The following LY96 variants were observed in gnomAD, a reference collection of about 807,000 sequenced individuals.
The protein encoded by LY96 is lymphocyte antigen 96, also known as myeloid differentiation protein-2.
In LY96, 18 loss-of-function variants were observed where a neutral mutation model predicts 18.9. That is an observed-to-expected ratio of 0.95 (90% CI 0.66 to 1.41). The LOEUF (loss-of-function observed/expected upper bound fraction) is 1.41, where lower values mean the gene tolerates loss of function less well. LY96 is among the 40% of genes most tolerant of loss of function. The pLI is 0.00. For synonymous variants in LY96, 66 were observed against 62.6 expected (o/e 1.06, Z -0.26); for missense variants, 175 against 182.4 (o/e 0.96, Z 0.23).
intron 4 of LY96, among the ~76,000 whole-genome samples, chr8:74,027,285 T>C (rs980638305): frequency 9.2e-5 from 14 of 151,816 alleles, no homozygotes; most frequent in Non-Finnish European, 2.1e-4. Flanking sequence ...TTCAGGGTTT[T>C]TTCTTTCACT....
At chr8:74,065,752 T>A in the LY96 span, among the ~76,000 whole-genome samples, 17 of 152,228 alleles carry the variant, frequency 1.1e-4, no homozygotes, top group Non-Finnish European at 2.5e-4. Context: ...CAGTTAGCAT[T>A]GAATTACAGT....
At chr8:74,042,560 T>A in the LY96 span, among the ~76,000 whole-genome samples, 1 of 152,078 alleles carries the variant, frequency 6.6e-6, no homozygotes, top group African/African-American at 2.4e-5. Context: ...AAATTCTGCT[T>A]TTTTACACAA....
chr8:74,057,552 C>T, the LY96 span, among the ~76,000 whole-genome samples: 1 of 152,188 alleles, frequency 6.6e-6, no homozygotes, highest in Non-Finnish European at 1.5e-5. Context: ...GCTCTTCAAA[C>T]ACAGCCATGT....
chr8:74,059,433 C>A, the LY96 span, among the ~76,000 whole-genome samples: 2 of 152,206 alleles, frequency 1.3e-5, no homozygotes, highest in African/African-American at 4.8e-5. Context: ...GGGGATTTCT[C>A]TATCAGATAT....
chr8:74,094,709 C>T, the LY96 span, among the ~76,000 whole-genome samples: 1 of 152,122 alleles, frequency 6.6e-6, no homozygotes, highest in African/African-American at 2.4e-5. Context: ...GTCTTAGGTG[C>T]TTTCCTAGAA....
the LY96 span, among the ~76,000 whole-genome samples, chr8:74,096,053 C>T: frequency 6.6e-6 from 1 of 152,248 alleles, no homozygotes. Flanking sequence ...GCATCCCTGA[C>T]TCCTCTCTTT....
the LY96 span, among the ~76,000 whole-genome samples, chr8:74,087,829 A>G: frequency 6.6e-6 from 1 of 152,166 alleles, no homozygotes; most frequent in Non-Finnish European, 1.5e-5. Flanking sequence ...ACATTGCTTA[A>G]TATTCAAATT....
chr8:74,067,425 A>G, the LY96 span, among the ~76,000 whole-genome samples: 1 of 152,096 alleles, frequency 6.6e-6, no homozygotes, highest in Non-Finnish European at 1.5e-5. Context: ...GGGTCTCGCT[A>G]CGTTGCCCAC....
the LY96 span, among the ~76,000 whole-genome samples, chr8:74,080,420 T>C: frequency 1.3e-5 from 2 of 152,190 alleles, no homozygotes; most frequent in Non-Finnish European, 2.9e-5. Flanking sequence ...TTTTGCTTTA[T>C]GGCTGAGTGT....
the LY96 span, among the ~76,000 whole-genome samples, chr8:74,042,390 A>C: frequency 3.9e-5 from 6 of 152,086 alleles, no homozygotes; most frequent in Admixed American, 6.6e-5. Flanking sequence ...ACATGGTGGC[A>C]GGTGCCTGTA....
the LY96 span, among the ~76,000 whole-genome samples, chr8:74,068,089 A>ATATATATATATAT: frequency 2.5e-4 from 17 of 67,852 alleles, no homozygotes; most frequent in Non-Finnish European, 4.1e-4. Context: ...AAAAAAAAAA[A>ATATATATATATAT]ATATATATAT....
At chr8:74,024,652 C>G (rs370862732) in intron 3 of LY96, among the ~76,000 whole-genome samples, 55 of 152,208 alleles carry the variant, frequency 3.6e-4, no homozygotes, top group African/African-American at 1.3e-3. Flanking sequence ...AAGTTACACA[C>G]CAAGTAGAGG....
chr8:74,034,199 C>T, the LY96 span, among the ~76,000 whole-genome samples: 1 of 152,128 alleles, frequency 6.6e-6, no homozygotes, highest in Non-Finnish European at 1.5e-5. Flanking sequence ...GGAGAAACCT[C>T]ATCTCTACTA....
At chr8:74,074,085 C>T in the LY96 span, among the ~76,000 whole-genome samples, 1 of 152,168 alleles carries the variant, frequency 6.6e-6, no homozygotes, top group African/African-American at 2.4e-5. Flanking sequence ...GCAACCTCTG[C>T]TTCCCAGGTT....
At position 74,019,769 on chromosome 8, in the gene LY96, C is replaced by G. The variant is rs143304256; in HGVS notation, c.332-7020C>G. ...TGGGATGCAAGGCTGGTTCAGCATACACAAATCAATATACGTAATTCATCA... is the reference window on the plus strand; with the variant it reads ...TGGGATGCAAGGCTGGTTCAGCATAGACAAATCAATATACGTAATTCATCA... On this transcript the variant is annotated intron_variant, in intron 3 of 4. Transcript: ENST00000284818. Among the ~76,000 whole-genome samples the G allele has an allele frequency of 5.0e-3, 766 of 152,256 alleles. 7 individuals carry two copies. The highest frequency in any genetic ancestry group is 0.017 in the African/African-American group (721 of 41,562).
intron 2 of LY96, among the ~76,000 whole-genome samples, chr8:74,005,887 T>C (rs1816398560): frequency 6.6e-6 from 1 of 152,232 alleles, no homozygotes; most frequent in Non-Finnish European, 1.5e-5. Flanking sequence ...CATCCTAGTT[T>C]AGATTTGGAG....
chr8:74,020,866 T>A (rs1275245965), intron 3 of LY96, among the ~76,000 whole-genome samples: 2 of 152,202 alleles, frequency 1.3e-5, no homozygotes, highest in African/African-American at 2.4e-5. Flanking sequence ...TGGCTAGCCA[T>A]ATGTAGAAAG....
At chr8:74,028,537 T>C (rs552169195) in intron 4 of LY96, among the ~76,000 whole-genome samples, 1 of 152,334 alleles carries the variant, frequency 6.6e-6, no homozygotes, top group East Asian at 1.9e-4. Context: ...TTTGGGAACT[T>C]AGTCTGGTCA....
At chr8:74,002,016 T>G (rs1409176928) in intron 1 of LY96, among the ~76,000 whole-genome samples, 483 of 10,172 alleles carry the variant, frequency 0.047, 12 homozygotes, top group African/African-American at 0.16. Context: ...TCTTCCTTCC[T>G]TCCTTCCTTC....
Sources: allele counts gnomAD v4.1 joint callset (sites outside exome capture counted in the v4.1 genomes callset), GRCh38; gene constraint gnomAD v4.1.1; transcripts MANE v1.5; gene names NCBI Gene and HGNC (gene_info 2026-07-23, HGNC 2026-07-21).